CAMTA1: variants seen among roughly 807,000 people sequenced by gnomAD.
CAMTA1 encodes calmodulin binding transcription activator 1, also known as calmodulin-binding transcription activator 1.
In CAMTA1, 27 loss-of-function variants were observed where a neutral mutation model predicts 170.9. The ratio of observed to expected loss-of-function variants is 0.16; its 90% CI spans 0.12 to 0.22. The LOEUF is 0.22. Among genes scored for constraint, CAMTA1 ranks in the 10% least tolerant of loss-of-function variants. The probability of loss-of-function intolerance (pLI) is 1.00; values close to 1 mark genes in which losing one functional copy is unlikely to be tolerated. For missense variants in CAMTA1, 1,619 were observed against 2,217.2 expected (o/e 0.73, Z 5.42); for synonymous variants, 833 against 891.5 (o/e 0.93, Z 1.17).
In CAMTA1 at chr1:7,113,836, G is replaced by A. The variant is rs1221077263; in HGVS notation, c.302+22465G>A. 2.0e-5 allele frequency among the ~76,000 whole-genome samples: 3 copies of A among 152,230 alleles called. No individual in the cohort carries two copies. Among genetic ancestry groups the A allele is most frequent in the Non-Finnish European group, 1.5e-5 (1 of 68,046 alleles). Reference sequence around the variant, plus strand: ...CAGAAATGAAGTCACTTTGGTGAGTGAGGTTTTACTTCTCCGTCCTTTGGT... The same window carrying A: ...CAGAAATGAAGTCACTTTGGTGAGTAAGGTTTTACTTCTCCGTCCTTTGGT... On this transcript the variant is annotated intron_variant, in intron 4 of 22. Transcript: ENST00000303635. This position sits in a 1 kb window ranked among gnomAD's most constrained non-coding sequence, Gnocchi z 4.5.
chr1:7,651,097 G>A (rs2095846082), intron 7 of CAMTA1, among the ~76,000 whole-genome samples: 1 of 152,196 alleles, frequency 6.6e-6, no homozygotes, highest in African/African-American at 2.4e-5. Context: ...TTGCTGGAGA[G>A]CAACCCAGCC....
chr1:7,407,167 G>A (rs1214953308), intron 5 of CAMTA1, among the ~76,000 whole-genome samples: 1 of 152,234 alleles, frequency 6.6e-6, no homozygotes, highest in Non-Finnish European at 1.5e-5. Flanking sequence ...CCCATGCATA[G>A]GTTAGTGATA....
At position 7,532,479 on chromosome 1, in the gene CAMTA1, G is replaced by A. The variant is rs1044707358; in HGVS notation, c.510+64578G>A. Among the ~76,000 whole-genome samples, 8 of 152,094 alleles carry A rather than the reference G, an allele frequency of 5.3e-5. No individual in the cohort carries two copies. Among genetic ancestry groups the A allele is most frequent in the Non-Finnish European group, 1.0e-4 (7 of 68,008 alleles). On this transcript the variant is annotated intron_variant, in intron 6 of 22. Transcript: ENST00000303635. The surrounding 1 kb of genome is among the most constrained non-coding windows in gnomAD (Gnocchi z 4.2). The stretch of plus-strand genomic sequence containing the variant: ...CCCAGCTAATTTTTATTTTATGTTT[G>A]TTTTAGGGACGGGGCTCTTACCATG...
chr1:7,689,057 T>C (rs1157439188), intron 11 of CAMTA1, among the ~76,000 whole-genome samples: 1 of 149,852 alleles, frequency 6.7e-6, no homozygotes, highest in East Asian at 2.0e-4. Flanking sequence ...AGGTCAGGAG[T>C]TCAAGACCAG....
At chr1:7,062,906 T>C (rs1708459136) in intron 3 of CAMTA1, among the ~76,000 whole-genome samples, 1 of 152,166 alleles carries the variant, frequency 6.6e-6, no homozygotes. Flanking sequence ...CGTCTCTGTT[T>C]TCACGTGGCC....
In CAMTA1 at chr1:6,965,132, G is replaced by A. The variant is rs192402858; in HGVS notation, c.235-126172G>A. On this transcript the variant is annotated intron_variant, in intron 3 of 22. Transcript: ENST00000303635. This position sits in a 1 kb window ranked among gnomAD's most constrained non-coding sequence, Gnocchi z 4.1. ...GGGCCAGCGGAAGGGCTGTATTTCTGGTGAGATGTATTAATATGTGAAAGC... is the reference window on the plus strand; with the variant it reads ...GGGCCAGCGGAAGGGCTGTATTTCTAGTGAGATGTATTAATATGTGAAAGC... 7.9e-5 allele frequency among the ~76,000 whole-genome samples: 12 copies of A among 152,324 alleles called. No individual in the cohort carries two copies. In the East Asian group the frequency reaches 1.5e-3, roughly 20 times the overall value.
chr1:7,097,530 C>A (rs1642221382), intron 4 of CAMTA1, among the ~76,000 whole-genome samples: 1 of 152,204 alleles, frequency 6.6e-6, no homozygotes, highest in African/African-American at 2.4e-5. Flanking sequence ...TTGTAAGACC[C>A]CTGGCAGTGA....
intron 11 of CAMTA1, among the ~76,000 whole-genome samples, chr1:7,689,807 C>G (rs1402427944): frequency 6.6e-6 from 1 of 152,164 alleles, no homozygotes; most frequent in Non-Finnish European, 1.5e-5. Context: ...CTCCCCTTCT[C>G]CATCCCACAG....
intron 5 of CAMTA1, among the ~76,000 whole-genome samples, chr1:7,273,292 T>C (rs1041584096): frequency 1.3e-5 from 2 of 152,222 alleles, no homozygotes; most frequent in Non-Finnish European, 1.5e-5. Context: ...GAAAAACTTA[T>C]ACCATTATTA....
At chr1:7,652,173 A>G (rs1249611822) in intron 7 of CAMTA1, among the ~76,000 whole-genome samples, 3 of 152,110 alleles carry the variant, frequency 2.0e-5, no homozygotes, top group Non-Finnish European at 4.4e-5. Context: ...TTCCCCCCAA[A>G]TGCACCTCTA....
chr1:7,699,942 T>C (rs551830282), intron 11 of CAMTA1, among the ~76,000 whole-genome samples: 1 of 152,358 alleles, frequency 6.6e-6, no homozygotes, highest in East Asian at 1.9e-4. Flanking sequence ...TTATGAAATA[T>C]GAGATTTGCA....
intron 3 of CAMTA1, among the ~76,000 whole-genome samples, chr1:7,088,057 G>A (rs1558078369): frequency 1.3e-5 from 2 of 152,206 alleles, no homozygotes. Context: ...CATTATACGG[G>A]TAACTCAGAC....
At chr1:7,493,189 GCA>G (rs763492740) in intron 6 of CAMTA1, among the ~76,000 whole-genome samples, 11 of 123,244 alleles carry the variant, frequency 8.9e-5, no homozygotes, top group East Asian at 5.0e-4. Context: ...ATACAAACAC[GCA>G]CACACACAAA....
At chr1:6,876,311 G>C (rs112830983) in intron 3 of CAMTA1, among the ~76,000 whole-genome samples, 1 of 151,916 alleles carries the variant, frequency 6.6e-6, no homozygotes, top group East Asian at 1.9e-4. Flanking sequence ...TCCTTCAGGT[G>C]CCTACCACAG....
intron 3 of CAMTA1, among the ~76,000 whole-genome samples, chr1:6,929,344 T>A (rs907679170): frequency 6.9e-6 from 1 of 145,494 alleles, no homozygotes; most frequent in Non-Finnish European, 1.5e-5. Context: ...CATGCCCAGC[T>A]AATTTTTTTT....
intron 5 of CAMTA1, among the ~76,000 whole-genome samples, chr1:7,429,734 T>C (rs961931569): frequency 2.7e-5 from 4 of 146,218 alleles, no homozygotes; most frequent in Middle Eastern, 6.4e-3. Context: ...GACTGGGTAA[T>C]TTATAAAGAA....
At chr1:7,102,163 A>G in intron 4 of CAMTA1, among the ~76,000 whole-genome samples, 1 of 152,194 alleles carries the variant, frequency 6.6e-6, no homozygotes. Flanking sequence ...TTTTGGGTAG[A>G]GGAAATTTTC....
In CAMTA1 at chr1:6,996,204, G is replaced by A. The variant is rs868822765; in HGVS notation, c.235-95100G>A. 3.3e-5 allele frequency among the ~76,000 whole-genome samples: 5 copies of A among 152,324 alleles called. No homozygotes were observed. The Middle Eastern group carries it at 0.01, about 311-fold the overall frequency. On this transcript the variant is annotated intron_variant, in intron 3 of 22. Transcript: ENST00000303635. ...TCATCTCAGAGTCCATTGATTGATT[G>A]CCTTTTCTCTTGAGTATGAGTTGCA...
At chr1:6,785,879 G>T (rs1639106438) in intron 1 of CAMTA1, among the ~76,000 whole-genome samples, 1 of 148,174 alleles carries the variant, frequency 6.7e-6, no homozygotes, top group Non-Finnish European at 1.5e-5. Flanking sequence ...GGAGGAGCCG[G>T]CGGAGGGCCG....
Sources: gnomAD v4.1 joint callset for allele counts (sites outside exome capture counted in the v4.1 genomes callset) on GRCh38, gnomAD v4.1.1 for gene constraint, Gnocchi (gnomAD v3.1) non-coding constraint, MANE v1.5 for transcripts, NCBI Gene and HGNC (gene_info 2026-07-23, HGNC 2026-07-21) for gene names.